Variants in PCDH9 observed in about 807,000 individuals in gnomAD.
The protein encoded by PCDH9 is protocadherin 9, also known as protocadherin-9.
PCDH9 carries 24 observed loss-of-function variants against 70.6 expected under a neutral mutation model. The ratio of observed to expected loss-of-function variants is 0.34; its 90% CI spans 0.25 to 0.48. The LOEUF (loss-of-function observed/expected upper bound fraction) is 0.48. PCDH9 is among the 20% of genes least tolerant of loss of function. The pLI, the probability that PCDH9 is intolerant of heterozygous loss-of-function variation, is 0.99. For synonymous variants in PCDH9, 562 were observed against 558.5 expected, an observed-to-expected ratio of 1.01 and a Z score of -0.09; for missense variants, 1,281 against 1,503.6, an observed-to-expected ratio of 0.85 and a Z score of 2.45.
chr13:66,407,715 T>G (rs920784808), intron 4 of PCDH9, among the ~76,000 whole-genome samples: 1 of 152,210 alleles, frequency 6.6e-6, no homozygotes, highest in South Asian at 2.1e-4. Context: ...ACTTATTATG[T>G]TGAGCATTTA....
At chr13:66,344,516 G>A (rs140702708) in intron 4 of PCDH9, among the ~76,000 whole-genome samples, 155 of 152,128 alleles carry the variant, frequency 1.0e-3, no homozygotes, top group African/African-American at 3.4e-3. Context: ...AAGTATTGCT[G>A]GTATATATTG....
intron 2 of PCDH9, among the ~76,000 whole-genome samples, chr13:66,934,777 G>C (rs2082884336): frequency 8.1e-6 from 1 of 122,810 alleles, no homozygotes; most frequent in Non-Finnish European, 1.6e-5. Flanking sequence ...CTGGAGTGCA[G>C]TGGCGCGATC....
rs115735418 is a variant in PCDH9 at position 66,560,429 on chromosome 13, C to T, written c.3340+70781G>A. Among the ~76,000 whole-genome samples the T allele has an allele frequency of 2.0e-3, 303 of 151,042 alleles. 3 individuals are homozygous for T. The highest frequency in any genetic ancestry group is 7.1e-3 in the African/African-American group (287 of 40,392). On this transcript the variant is annotated intron_variant, in intron 4 of 4. Transcript: ENST00000377865. The stretch of plus-strand genomic sequence containing the variant: ...ACCAACACAATGTAAGGAGCTGGAC[C>T]TTGTGCACTCTTGCTCCTCTCTTGC...
At chr13:66,442,160 G>A (rs1039769902) in intron 4 of PCDH9, among the ~76,000 whole-genome samples, 2 of 152,118 alleles carry the variant, frequency 1.3e-5, no homozygotes, top group African/African-American at 2.4e-5. Flanking sequence ...TACAAAAACT[G>A]GCTGCCACAT....
At chr13:66,490,757 A>G (rs1346030422) in intron 4 of PCDH9, among the ~76,000 whole-genome samples, 1 of 152,184 alleles carries the variant, frequency 6.6e-6, no homozygotes, top group Non-Finnish European at 1.5e-5. Flanking sequence ...CAGAAAAAAA[A>G]ATTCCTGATG....
chr13:66,335,041 AG>A (rs1956013174), intron 4 of PCDH9, among the ~76,000 whole-genome samples: 1 of 152,132 alleles, frequency 6.6e-6, no homozygotes, highest in South Asian at 2.1e-4. Flanking sequence ...TGTGTGGCAT[AG>A]TTAGGACTGC....
intron 4 of PCDH9, among the ~76,000 whole-genome samples, chr13:66,623,704 G>A (rs1438130077): frequency 1.3e-5 from 2 of 152,070 alleles, no homozygotes; most frequent in Non-Finnish European, 2.9e-5. Context: ...CTCCCAAATC[G>A]CTGGAATTAT....
intron 3 of PCDH9, among the ~76,000 whole-genome samples, chr13:66,759,590 A>C (rs1031641928): frequency 2.0e-5 from 3 of 150,776 alleles, no homozygotes; most frequent in African/African-American, 4.9e-5. Context: ...TTTCTTCCTC[A>C]TTTAGTTTGT....
intron 4 of PCDH9, among the ~76,000 whole-genome samples, chr13:66,445,726 TAC>T (rs1278449788): frequency 6.9e-6 from 1 of 144,876 alleles, no homozygotes; most frequent in Non-Finnish European, 1.5e-5. Context: ...ATATAATACA[TAC>T]ACATATATAT....
intron 3 of PCDH9, among the ~76,000 whole-genome samples, chr13:66,855,034 T>C (rs1283765428): frequency 6.6e-6 from 1 of 152,116 alleles, no homozygotes; most frequent in African/African-American, 2.4e-5. Flanking sequence ...CATTCCTTTC[T>C]AAATGGAAAT....
chr13:66,695,520 A>G (rs1163167693), intron 3 of PCDH9, among the ~76,000 whole-genome samples: 2 of 152,202 alleles, frequency 1.3e-5, no homozygotes, highest in Non-Finnish European at 2.9e-5. Flanking sequence ...AGTTGATAGA[A>G]ATTTTCTATG....
At chr13:66,513,109 T>TA (rs1959565067) in intron 4 of PCDH9, among the ~76,000 whole-genome samples, 3 of 151,826 alleles carry the variant, frequency 2.0e-5, no homozygotes, top group African/African-American at 7.3e-5. Context: ...TGACCCACCG[T>TA]ACCAGACCAG....
intron 2 of PCDH9, among the ~76,000 whole-genome samples, chr13:67,130,670 C>T (rs1244272700): frequency 3.9e-5 from 6 of 152,000 alleles, no homozygotes; most frequent in Admixed American, 3.9e-4. Flanking sequence ...AGGGCCAGAA[C>T]TGCCTCATCA....
intron 3 of PCDH9, among the ~76,000 whole-genome samples, chr13:66,686,123 T>C (rs927361816): frequency 1.3e-5 from 2 of 152,166 alleles, no homozygotes; most frequent in Non-Finnish European, 1.5e-5. Flanking sequence ...GGTTTGCCTG[T>C]GTCCCCACCC....
chr13:66,799,319 T>A (rs1445759581), intron 3 of PCDH9, among the ~76,000 whole-genome samples: 1 of 152,118 alleles, frequency 6.6e-6, no homozygotes, highest in Non-Finnish European at 1.5e-5. Context: ...GCAGTCAGCC[T>A]GTTGTGGGGA....
At chr13:66,734,140 T>G (rs1359648394) in intron 3 of PCDH9, among the ~76,000 whole-genome samples, 1 of 152,144 alleles carries the variant, frequency 6.6e-6, no homozygotes, top group African/African-American at 2.4e-5. Flanking sequence ...GGTCACATGA[T>G]GTAAATTGAC....
intron 4 of PCDH9, among the ~76,000 whole-genome samples, chr13:66,409,237 A>C (rs1348483726): frequency 6.6e-6 from 1 of 152,214 alleles, no homozygotes; most frequent in African/African-American, 2.4e-5. Flanking sequence ...TTTAAAATTT[A>C]TGTCAATAGA....
intron 3 of PCDH9, among the ~76,000 whole-genome samples, chr13:66,892,507 T>C (rs1487488357): frequency 6.6e-6 from 1 of 151,916 alleles, no homozygotes; most frequent in African/African-American, 2.4e-5. Flanking sequence ...TTTCAACATA[T>C]CACAGCATTT....
chr13:66,304,292 A>G lies in PCDH9; in HGVS notation c.*363T>C, dbSNP rs1955423842. On this transcript the variant is annotated 3_prime_UTR_variant, in exon 5 of 5. Transcript: ENST00000377865. The stretch of plus-strand genomic sequence containing the variant: ...AAAAAAAAAAAAAAAAAAAAGCACA[A>G]TTTTCTAACTGGATATGTTTTTCAG... 2 of 162,462 alleles carry G rather than the reference A, an allele frequency of 1.2e-5. No individual in the cohort carries two copies. Among genetic ancestry groups the G allele is most frequent in the African/African-American group, 4.9e-5 (2 of 41,140 alleles). 10.1% of individuals were successfully genotyped at this position (162,462 alleles called of 1,614,324 possible).
Sources: allele counts gnomAD v4.1 joint callset (sites outside exome capture counted in the v4.1 genomes callset), GRCh38; gene constraint gnomAD v4.1.1; transcripts MANE v1.5; gene names NCBI Gene and HGNC (gene_info 2026-07-23, HGNC 2026-07-21).